The following CNPY1 variants were observed in gnomAD, a reference collection of about 807,000 sequenced individuals.
CNPY1 encodes canopy FGF signaling regulator 1.
CNPY1 carries 14 observed loss-of-function variants against 14.4 expected under a neutral mutation model. The ratio of observed to expected loss-of-function variants is 0.97; its 90% confidence interval spans 0.64 to 1.52. CNPY1 has a LOEUF of 1.52. Ranked by LOEUF, CNPY1 falls within the 40% of genes most tolerant of loss-of-function variation. The probability of loss-of-function intolerance (pLI) is 0.00; values close to 1 mark genes in which losing one functional copy is unlikely to be tolerated. For synonymous variants in CNPY1, 43 were observed against 46.5 expected (o/e 0.92, Z 0.31); for missense variants, 129 against 131.5 (o/e 0.98, Z 0.09).
Position 155,508,954 on chromosome 7 carries a change from T to C in CNPY1, c.243A>G (p.Ile81Met). Residue 81 changes from isoleucine to methionine, a missense_variant, in exon 3 of 5, where the codon ATA becomes ATG. Physicochemically the swap from Ile to Met is conservative, Grantham distance 10. Transcript: ENST00000636446. ...KRFAPRKGDKIYQEFKKLYFY... is the reference protein window; with the variant it reads ...KRFAPRKGDKMYQEFKKLYFY... ...AATACAATTTTTTAAATTCTTGGTA[T>C]ATTTTGTCTCCTTTCCTAGGAGCGA... 6.2e-7 allele frequency: 1 copy of C among 1,613,888 alleles called. No individual in the cohort carries two copies. The highest frequency in any genetic ancestry group is 8.5e-7 in the Non-Finnish European group (1 of 1,179,808).
chr7:155,507,470 C>CAAA (rs1796360401), intron 3 of CNPY1, among the ~76,000 whole-genome samples: 4 of 5,492 alleles, frequency 7.3e-4, no homozygotes, highest in African/African-American at 4.5e-3. Flanking sequence ...GGTTTTTAAA[C>CAAA]TAAAAAAAAA....
At chr7:155,521,231 T>G (rs1196031028) in intron 2 of CNPY1, among the ~76,000 whole-genome samples, 1 of 152,026 alleles carries the variant, frequency 6.6e-6, no homozygotes, top group Admixed American at 6.6e-5. Context: ...TGGGGCTCTG[T>G]GATTGTAGAG....
intron 4 of CNPY1, among the ~76,000 whole-genome samples, chr7:155,505,261 C>T (rs186807303): frequency 3.3e-5 from 5 of 152,270 alleles, no homozygotes; most frequent in South Asian, 2.1e-4. Context: ...TGGTGGCTTG[C>T]ACCTTTGAGT....
At chr7:155,525,508 C>G (rs910655906) in intron 2 of CNPY1, among the ~76,000 whole-genome samples, 7 of 152,200 alleles carry the variant, frequency 4.6e-5, no homozygotes, top group African/African-American at 1.7e-4. Context: ...CAATGTTTCC[C>G]CCTCTTAAAC....
At chr7:155,529,946 C>T (rs528315769) in intron 2 of CNPY1, among the ~76,000 whole-genome samples, 5 of 152,162 alleles carry the variant, frequency 3.3e-5, no homozygotes, top group Admixed American at 3.3e-4. Context: ...CCACGCCCAG[C>T]TAATTTATTG....
At chr7:155,540,943 G>C (rs1352222190) in intron 2 of CNPY1, among the ~76,000 whole-genome samples, 1 of 152,196 alleles carries the variant, frequency 6.6e-6, no homozygotes, top group Non-Finnish European at 1.5e-5. Context: ...GTGTTGCCCT[G>C]TTTTAGGAAA....
chr7:155,510,795 A>T (rs777419703), intron 2 of CNPY1, among the ~76,000 whole-genome samples: 1 of 152,276 alleles, frequency 6.6e-6, no homozygotes, highest in Non-Finnish European at 1.5e-5. Flanking sequence ...GAATACGTAG[A>T]TTAACAAACA....
At chr7:155,522,643 G>A (rs1273901559) in intron 2 of CNPY1, among the ~76,000 whole-genome samples, 3 of 152,130 alleles carry the variant, frequency 2.0e-5, no homozygotes, top group African/African-American at 7.2e-5. Context: ...GGCCAGAGGG[G>A]GTGAGCACCT....
chr7:155,521,535 T>C (rs1259736446), intron 2 of CNPY1, among the ~76,000 whole-genome samples: 2 of 152,196 alleles, frequency 1.3e-5, no homozygotes, highest in African/African-American at 4.8e-5. Flanking sequence ...CCAGCACTTG[T>C]GGTCTGGGCC....
intron 2 of CNPY1, among the ~76,000 whole-genome samples, chr7:155,519,860 C>T (rs559665852): frequency 4.6e-5 from 7 of 152,124 alleles, no homozygotes; most frequent in African/African-American, 1.2e-4. Flanking sequence ...CAGACATTTC[C>T]GTGGTATTAC....
chr7:155,527,030 T>C lies in CNPY1; in HGVS notation c.100-17933A>G, dbSNP rs1034986409. On this transcript the variant is annotated intron_variant, in intron 2 of 4. Transcript: ENST00000636446. The stretch of plus-strand genomic sequence containing the variant: ...TAGGCAGCCATGCTTTTCTTTTCTT[T>C]TTTCTTTCTTTCTTTCTTTCTTTCT... Among the ~76,000 whole-genome samples the C allele has an allele frequency of 6.0e-5, 5 of 83,270 alleles. No homozygotes were observed. In the East Asian group the frequency reaches 1.1e-3, roughly 19 times the overall value. The allele number at this position is 83,270 out of a possible 152,430, so 54.6% of individuals were successfully genotyped here.
At chr7:155,540,269 G>A (rs997156521) in intron 2 of CNPY1, among the ~76,000 whole-genome samples, 2 of 152,208 alleles carry the variant, frequency 1.3e-5, no homozygotes, top group African/African-American at 4.8e-5. Context: ...GACTTCCAAT[G>A]TCCTTTAATT....
In CNPY1 at chr7:155,507,471, T is replaced by TAAAAAAAAAAAAA. The variant is rs35711313; in HGVS notation, c.304-368_304-356dup. Among the ~76,000 whole-genome samples, 120 of 54,134 alleles carry TAAAAAAAAAAAAA rather than the reference T, an allele frequency of 2.2e-3. 12 individuals carry two copies. Among genetic ancestry groups the TAAAAAAAAAAAAA allele is most frequent in the African/African-American group, 0.011 (113 of 10,098 alleles). The allele number at this position is 54,134 out of a possible 152,430, so 35.5% of individuals were successfully genotyped here. A position where few individuals can be genotyped will look rare whatever the true frequency, so the allele number is the denominator to read the frequency against. On this transcript the variant is annotated intron_variant, in intron 3 of 4. Transcript: ENST00000636446. ...CTGAAAAGTCCAACGGTTTTTAAAC[T>TAAAAAAAAAAAAA]AAAAAAAAAAAAAAAAAAAAAAAAA...
chr7:155,535,311 G>C (rs566819207), intron 2 of CNPY1, among the ~76,000 whole-genome samples: 70 of 152,154 alleles, frequency 4.6e-4, no homozygotes, highest in Non-Finnish European at 8.8e-4. Flanking sequence ...GAGCTGTGCC[G>C]GACCAACAGC....
chr7:155,541,187 G>A (rs758264784), intron 2 of CNPY1, among the ~76,000 whole-genome samples: 3 of 152,186 alleles, frequency 2.0e-5, no homozygotes, highest in Non-Finnish European at 4.4e-5. Context: ...GTGCTCCCCC[G>A]CTGAGCCTCC....
At chr7:155,504,513 A>G (rs1045117558) in intron 4 of CNPY1, among the ~76,000 whole-genome samples, 3 of 152,220 alleles carry the variant, frequency 2.0e-5, no homozygotes, top group Non-Finnish European at 4.4e-5. Context: ...AACAAGGTGT[A>G]TGTAAAGTGT....
intron 2 of CNPY1, among the ~76,000 whole-genome samples, chr7:155,526,001 C>G (rs1796812253): frequency 6.6e-6 from 1 of 152,176 alleles, no homozygotes; most frequent in Non-Finnish European, 1.5e-5. Flanking sequence ...TGAGCAAAAT[C>G]TTGTGCTAGG....
chr7:155,532,201 T>C (rs930600302), intron 2 of CNPY1, among the ~76,000 whole-genome samples: 82 of 152,348 alleles, frequency 5.4e-4, no homozygotes, highest in African/African-American at 1.9e-3. Flanking sequence ...ATGACAAAGC[T>C]AGCTTCGTGG....
chr7:155,526,857 C>CA lies in CNPY1; in HGVS notation c.100-17761dup, dbSNP rs1001606694. On this transcript the variant is annotated intron_variant, in intron 2 of 4. Coordinates refer to ENST00000636446, the MANE Select transcript of CNPY1 (RefSeq NM_001393663.1). ...GTTCCTACCTTTGACCCCTGCCTTT[C>CA]AGGAATCTGTCCTGGAGAAATCCAA... is the stretch of plus-strand genomic sequence containing the variant. Among the ~76,000 whole-genome samples, 84 of 152,208 alleles carry CA rather than the reference C, an allele frequency of 5.5e-4. 1 individual carries two copies. The highest frequency in any genetic ancestry group is 2.0e-3 in the African/African-American group (81 of 41,530).
Sources: allele counts gnomAD v4.1 joint callset (sites outside exome capture counted in the v4.1 genomes callset), GRCh38; gene constraint gnomAD v4.1.1; transcripts MANE v1.5; gene names NCBI Gene and HGNC (gene_info 2026-07-23, HGNC 2026-07-21).